The following ROBO2 variants were observed in gnomAD, a reference collection of about 807,000 sequenced individuals.
ROBO2 encodes the protein roundabout guidance receptor 2, also known as roundabout homolog 2.
Under a neutral mutation model 160.8 loss-of-function variants are expected in ROBO2, and 53 were observed. The ratio of observed to expected loss-of-function variants is 0.33; its 90% CI spans 0.26 to 0.41. ROBO2 has a LOEUF of 0.41. ROBO2 is among the 10% of genes least tolerant of loss of function. The pLI is 1.00. For missense variants in ROBO2, 1,577 were observed against 1,722.4 expected, an observed-to-expected ratio of 0.92 and a Z score of 1.49; for synonymous variants, 664 against 611.7, an observed-to-expected ratio of 1.09 and a Z score of -1.26.
chr3:77,613,071 A>T (rs2094686836), intron 21 of ROBO2, among the ~76,000 whole-genome samples: 1 of 152,230 alleles, frequency 6.6e-6, no homozygotes, highest in African/African-American at 2.4e-5. Context: ...ACTAATGCCA[A>T]ATACAATATT....
chr3:76,968,584 A>G (rs546594819), intron 2 of ROBO2, among the ~76,000 whole-genome samples: 54 of 152,282 alleles, frequency 3.5e-4, no homozygotes, highest in South Asian at 3.3e-3. Context: ...GATTAAGTCA[A>G]TGGTTCAAAC....
At chr3:76,466,357 C>T (rs1182454253) in intron 2 of ROBO2, among the ~76,000 whole-genome samples, 6 of 151,842 alleles carry the variant, frequency 4.0e-5, no homozygotes, top group South Asian at 2.1e-4. Context: ...GGATCACCTA[C>T]GTCGATCTTA....
intron 2 of ROBO2, among the ~76,000 whole-genome samples, chr3:77,345,528 C>T (rs1193442961): frequency 2.6e-5 from 4 of 152,080 alleles, no homozygotes; most frequent in Non-Finnish European, 5.9e-5. Flanking sequence ...ATCATGCTCA[C>T]TGAATTGATG....
At chr3:76,814,916 A>G (rs1355042522) in intron 2 of ROBO2, among the ~76,000 whole-genome samples, 1 of 152,060 alleles carries the variant, frequency 6.6e-6, no homozygotes, top group Non-Finnish European at 1.5e-5. Context: ...AGTCATTTGC[A>G]AAGGATCTAC....
chr3:76,558,194 C>T (rs147719210), intron 2 of ROBO2, among the ~76,000 whole-genome samples: 3 of 152,126 alleles, frequency 2.0e-5, no homozygotes, highest in African/African-American at 7.2e-5. Context: ...CCCGTGTGAA[C>T]TGAAAATGAT....
intron 2 of ROBO2, among the ~76,000 whole-genome samples, chr3:76,543,609 T>C (rs995785818): frequency 5.9e-5 from 9 of 152,134 alleles, no homozygotes; most frequent in Non-Finnish European, 1.2e-4. Context: ...CGGCAAATTA[T>C]TTCACCTTCA....
At chr3:77,368,845 T>C (rs954301771) in intron 2 of ROBO2, among the ~76,000 whole-genome samples, 4 of 152,210 alleles carry the variant, frequency 2.6e-5, no homozygotes, top group East Asian at 1.9e-4. Flanking sequence ...GTTGGGTATT[T>C]ATCTTTTATT....
intron 2 of ROBO2, among the ~76,000 whole-genome samples, chr3:76,558,894 C>T (rs2083982049): frequency 6.6e-6 from 1 of 151,926 alleles, no homozygotes. Flanking sequence ...CAGAGATGGG[C>T]TCACTTCAAT....
At chr3:76,345,399 G>A (rs2074463840) in intron 2 of ROBO2, among the ~76,000 whole-genome samples, 1 of 149,966 alleles carries the variant, frequency 6.7e-6, no homozygotes, top group East Asian at 2.0e-4. Flanking sequence ...ACATGTGCAG[G>A]TGTGTTTCAA....
intron 2 of ROBO2, among the ~76,000 whole-genome samples, chr3:76,938,971 CAAAAA>C (rs71629626): frequency 8.7e-6 from 1 of 114,582 alleles, no homozygotes; most frequent in Non-Finnish European, 1.8e-5. Flanking sequence ...AACTCAGTCT[CAAAAA>C]AAAAAAAAAA....
At chr3:76,743,203 G>T (rs1576364024) in intron 2 of ROBO2, among the ~76,000 whole-genome samples, 1 of 152,068 alleles carries the variant, frequency 6.6e-6, no homozygotes, top group African/African-American at 2.4e-5. Flanking sequence ...ATTCCCTTTG[G>T]CTAGGACTAG....
intron 2 of ROBO2, among the ~76,000 whole-genome samples, chr3:76,942,787 A>G (rs1242578551): frequency 6.6e-6 from 1 of 152,152 alleles, no homozygotes; most frequent in African/African-American, 2.4e-5. Flanking sequence ...ACTGTAAAAT[A>G]TGGGGTTGGT....
rs143220422 is a variant in ROBO2, at chr3:76,192,284, T to C, written c.109+254682T>C. ...GTGCCCTTAGTAACCTGACCTTCGA[T>C]TGGCTTACCAATCCTGCCATTTCCC... is the stretch of plus-strand genomic sequence containing the variant. On this transcript the variant is annotated intron_variant, in intron 2 of 26. Coordinates refer to the ROBO2 transcript ENST00000487694. Among the ~76,000 whole-genome samples the C allele has an allele frequency of 5.9e-3, 896 of 152,050 alleles. 8 individuals are homozygous for C. The highest frequency in any genetic ancestry group is 8.0e-3 in the Non-Finnish European group (545 of 67,978).
At chr3:77,536,394 C>G (rs2092104850) in intron 6 of ROBO2, among the ~76,000 whole-genome samples, 1 of 152,018 alleles carries the variant, frequency 6.6e-6, no homozygotes, top group African/African-American at 2.4e-5. Context: ...CTTTCCCTCT[C>G]TCTCTTCTTT....
At chr3:77,292,997 CG>C (rs1393395050) in intron 2 of ROBO2, among the ~76,000 whole-genome samples, 1 of 144,614 alleles carries the variant, frequency 6.9e-6, no homozygotes, top group Non-Finnish European at 1.5e-5. Flanking sequence ...GACGGTTAAA[CG>C]GGTAAGCTGA....
intron 2 of ROBO2, among the ~76,000 whole-genome samples, chr3:77,201,211 G>C (rs527275833): frequency 1.5e-4 from 23 of 152,276 alleles, no homozygotes; most frequent in Admixed American, 8.5e-4. Context: ...TCATAAAATA[G>C]AACAACCTGG....
chr3:77,144,373 C>T (rs1047806597), intron 2 of ROBO2, among the ~76,000 whole-genome samples: 3 of 152,148 alleles, frequency 2.0e-5, no homozygotes, highest in African/African-American at 7.2e-5. Flanking sequence ...TTTTTTTCCT[C>T]ATGAGTATTT....
chr3:76,684,847 A>G (rs1385080153), intron 2 of ROBO2, among the ~76,000 whole-genome samples: 1 of 152,086 alleles, frequency 6.6e-6, no homozygotes, highest in African/African-American at 2.4e-5. Context: ...ATTCTTAGCC[A>G]TGGTTTCAGG....
chr3:76,306,929 T>C (rs972178724), intron 2 of ROBO2, among the ~76,000 whole-genome samples: 6 of 152,208 alleles, frequency 3.9e-5, no homozygotes, highest in African/African-American at 1.4e-4. Context: ...TCACTCCCCA[T>C]CATAATGCAG....
Sources: gnomAD v4.1 joint callset for allele counts (sites outside exome capture counted in the v4.1 genomes callset) on GRCh38, gnomAD v4.1.1 for gene constraint, MANE v1.5 for transcripts, NCBI Gene and HGNC (gene_info 2026-07-23, HGNC 2026-07-21) for gene names.